EBF2: variants seen among roughly 807,000 people sequenced by gnomAD.
The protein encoded by EBF2 is EBF transcription factor 2.
In EBF2, 21 loss-of-function variants were observed where a neutral mutation model predicts 72.8. The ratio of observed to expected loss-of-function variants is 0.29; its 90% CI spans 0.20 to 0.42. The LOEUF is 0.42. Ranked by LOEUF, EBF2 falls within the 10% of genes least tolerant of loss-of-function variation. The pLI, the probability that EBF2 is intolerant of heterozygous loss-of-function variation, is 1.00. For synonymous variants in EBF2, 299 were observed against 274.2 expected, an observed-to-expected ratio of 1.09 and a Z score of -0.89; for missense variants, 637 against 731.2, an observed-to-expected ratio of 0.87 and a Z score of 1.49.
Position 25,841,836 on chromosome 8 carries a change from C to T in EBF2, c.*2773G>A, listed in dbSNP as rs1801749570. 6.6e-6 allele frequency: 1 copy of T among 152,090 alleles called. No individual in the cohort carries two copies. Among genetic ancestry groups the T allele is most frequent in the African/African-American group, 2.4e-5 (1 of 41,436 alleles). 9.4% of individuals were successfully genotyped at this position (152,090 alleles called of 1,614,324 possible). A position where few individuals can be genotyped will look rare whatever the true frequency, so the allele number is the denominator to read the frequency against. Reference sequence around the variant, plus strand: ...ATTCTTTAAGTAAGACCATTAAAAACAGTAAACAAAAAAGCTGTCTTTACA... The same window carrying T: ...ATTCTTTAAGTAAGACCATTAAAAATAGTAAACAAAAAAGCTGTCTTTACA... On this transcript the variant is annotated 3_prime_UTR_variant, in exon 16 of 16. Transcript: ENST00000520164.
intron 10 of EBF2, among the ~76,000 whole-genome samples, chr8:25,869,621 G>A (rs1802396807): frequency 6.6e-6 from 1 of 152,108 alleles, no homozygotes; most frequent in South Asian, 2.1e-4. Context: ...ATCTTACCTA[G>A]AAACACATGT....
intron 10 of EBF2, among the ~76,000 whole-genome samples, chr8:25,882,390 C>T (rs1250306788): frequency 6.6e-6 from 1 of 152,114 alleles, no homozygotes; most frequent in Non-Finnish European, 1.5e-5. Context: ...CCATTCTATC[C>T]ACTCTCTATC....
intron 6 of EBF2, among the ~76,000 whole-genome samples, chr8:25,916,902 G>A (rs116159505): frequency 0.013 from 1,930 of 152,200 alleles, 44 homozygotes; most frequent in African/African-American, 0.044. Context: ...TCAACACACT[G>A]CCTTCTGAGT....
chr8:26,032,717 G>A (rs1204097720), intron 6 of EBF2: 4 of 194,014 alleles, frequency 2.1e-5, no homozygotes, highest in South Asian at 2.5e-4. Context: ...AGCAATCACC[G>A]AGAATAATAA....
At chr8:26,037,308 T>TC (rs1292737438) in intron 5 of EBF2, among the ~76,000 whole-genome samples, 1 of 152,184 alleles carries the variant, frequency 6.6e-6, no homozygotes, top group African/African-American at 2.4e-5. Flanking sequence ...ACAGAGAGTG[T>TC]CCCGTCAGCC....
intron 13 of EBF2, among the ~76,000 whole-genome samples, chr8:25,859,402 C>A (rs1802168370): frequency 6.6e-6 from 1 of 152,246 alleles, no homozygotes; most frequent in African/African-American, 2.4e-5. Context: ...TGTTGCCACA[C>A]CCTAGGTGCA....
intron 6 of EBF2, among the ~76,000 whole-genome samples, chr8:26,031,132 C>T (rs978488750): frequency 3.9e-5 from 6 of 151,994 alleles, no homozygotes; most frequent in African/African-American, 7.2e-5. Flanking sequence ...GTGTTTATTA[C>T]GAAAAAGGAT....
rs768103038 is a variant in EBF2 at position 25,843,720 on chromosome 8, G to A, written c.*889C>T. 1.3e-5 allele frequency: 2 copies of A among 152,296 alleles called. No individual in the cohort carries two copies. Among genetic ancestry groups the A allele is most frequent in the African/African-American group, 4.8e-5 (2 of 41,458 alleles). The allele number at this position is 152,296 out of a possible 1,614,324, so 9.4% of individuals were successfully genotyped here. A position where few individuals can be genotyped will look rare whatever the true frequency, so the allele number is the denominator to read the frequency against. The stretch of plus-strand genomic sequence containing the variant: ...TTAGAAATCAGACGGAGCTGGGAAT[G>A]AATTGATGGGTTGGAGTATTTGTGC... On this transcript the variant is annotated 3_prime_UTR_variant, in exon 16 of 16. Coordinates refer to ENST00000520164, the MANE Select transcript of EBF2 (RefSeq NM_022659.4).
At position 25,925,184 on chromosome 8, in the gene EBF2, T is replaced by G. The variant is rs1225251034; in HGVS notation, c.552-16629A>C. Among the ~76,000 whole-genome samples the G allele has an allele frequency of 2.6e-5, 4 of 152,164 alleles. No individual in the cohort carries two copies. The East Asian group carries it at 7.7e-4, about 29-fold the overall frequency. Reference sequence around the variant, plus strand: ...ATTTTCACCTCAGTCCCGAGAATATTTTTCTCCTTTTTTTGGAAATTCTGA... The same window carrying G: ...ATTTTCACCTCAGTCCCGAGAATATGTTTCTCCTTTTTTTGGAAATTCTGA... On this transcript the variant is annotated intron_variant, in intron 6 of 15. Transcript: ENST00000520164.
chr8:26,001,833 G>A (rs549206743), intron 6 of EBF2, among the ~76,000 whole-genome samples: 3 of 152,094 alleles, frequency 2.0e-5, no homozygotes, highest in South Asian at 4.1e-4. Context: ...ACAGGTGTGA[G>A]CCACCACACC....
intron 14 of EBF2, 67 bp downstream of exon 14, chr8:25,858,252 A>G: frequency 6.3e-7 from 1 of 1,586,640 alleles, no homozygotes; most frequent in Non-Finnish European, 8.6e-7. Context: ...CTTTCTCCCA[A>G]AAGGCCCAAT....
chr8:25,901,890 C>A (rs1353154408), intron 7 of EBF2, among the ~76,000 whole-genome samples: 1 of 152,192 alleles, frequency 6.6e-6, no homozygotes, highest in Non-Finnish European at 1.5e-5. Context: ...GCAAACCACT[C>A]ATTTATTTTT....
chr8:26,037,590 G>T (rs568123126), intron 5 of EBF2, among the ~76,000 whole-genome samples: 1 of 152,180 alleles, frequency 6.6e-6, no homozygotes, highest in Non-Finnish European at 1.5e-5. Flanking sequence ...GCCTTGTGGC[G>T]AAAAGTCACA....
At position 25,850,585 on chromosome 8, in the gene EBF2, C is replaced by A; in HGVS notation, c.1696+9G>T. ...CATTGTGTATCCCCAAAATAGAACCCTTGCTTACCTCTGAATCCATTTCCA... is the reference window on the plus strand; with the variant it reads ...CATTGTGTATCCCCAAAATAGAACCATTGCTTACCTCTGAATCCATTTCCA... On this transcript the variant is annotated intron_variant, in intron 15 of 15. Transcript: ENST00000520164. 2 of 1,540,114 alleles carry A rather than the reference C, an allele frequency of 1.3e-6. No individual in the cohort carries two copies. The highest frequency in any genetic ancestry group is 1.7e-6 in the Non-Finnish European group (2 of 1,153,038).
chr8:25,975,907 CA>C (rs1804261226), intron 6 of EBF2, among the ~76,000 whole-genome samples: 1 of 151,870 alleles, frequency 6.6e-6, no homozygotes, highest in Non-Finnish European at 1.5e-5. Flanking sequence ...GAGCAGCTGC[CA>C]AAGAAAAGTT....
intron 6 of EBF2, chr8:26,032,170 A>T (rs903709968): frequency 6.6e-6 from 1 of 152,172 alleles, no homozygotes; most frequent in African/African-American, 2.4e-5. Flanking sequence ...CTAGGACAAG[A>T]TCAGAATTCC....
intron 10 of EBF2, among the ~76,000 whole-genome samples, chr8:25,876,589 A>T (rs1802525395): frequency 6.6e-6 from 1 of 152,160 alleles, no homozygotes; most frequent in African/African-American, 2.4e-5. Context: ...TTTCCTGTGC[A>T]CCTCTCCAGA....
At chr8:25,971,242 A>G (rs1010098805) in intron 6 of EBF2, among the ~76,000 whole-genome samples, 1 of 152,128 alleles carries the variant, frequency 6.6e-6, no homozygotes, top group Admixed American at 6.5e-5. Context: ...CTCCCACCAA[A>G]AGCCAGCTTA....
At chr8:25,875,701 T>G in intron 10 of EBF2, among the ~76,000 whole-genome samples, 1 of 152,152 alleles carries the variant, frequency 6.6e-6, no homozygotes, top group East Asian at 1.9e-4. Context: ...AAGGACCCAG[T>G]CTCATAAGAA....
Sources: gnomAD v4.1 joint callset for allele counts (sites outside exome capture counted in the v4.1 genomes callset) on GRCh38, gnomAD v4.1.1 for gene constraint, MANE v1.5 for transcripts, NCBI Gene and HGNC (gene_info 2026-07-23, HGNC 2026-07-21) for gene names.